Variants in MS4A18 observed in about 807,000 individuals in gnomAD.
MS4A18 encodes the protein membrane spanning 4-domains A18, also known as membrane-spanning 4-domains subfamily A member 18.
In MS4A18, 27 loss-of-function variants were observed where a neutral mutation model predicts 13.1. The ratio of observed to expected loss-of-function variants is 2.06; its 90% confidence interval spans 1.52 to 2.84. The LOEUF is 2.84. Among genes scored for constraint, MS4A18 ranks in the 30% most tolerant of loss-of-function variants. The pLI, the probability that MS4A18 is intolerant of heterozygous loss-of-function variation, is 0.00. For missense variants in MS4A18, 307 were observed against 196.4 expected (o/e 1.56, Z -3.37); for synonymous variants, 126 against 76.5 (o/e 1.65, Z -3.38).
At chr11:60,735,013 C>G (rs1853313917) in intron 2 of MS4A18, among the ~76,000 whole-genome samples, 1 of 151,912 alleles carries the variant, frequency 6.6e-6, no homozygotes, top group Non-Finnish European at 1.5e-5. Flanking sequence ...GAACTCCTGA[C>G]CTCAGGTGAT....
At chr11:60,743,338 T>C (rs1053671972) in intron 5 of MS4A18, among the ~76,000 whole-genome samples, 2 of 152,218 alleles carry the variant, frequency 1.3e-5, no homozygotes, top group Non-Finnish European at 2.9e-5. Flanking sequence ...CCCACATGGG[T>C]GTCTGGCTCT....
chr11:60,737,403 AT>A (rs1323822158), intron 3 of MS4A18, among the ~76,000 whole-genome samples: 5 of 152,166 alleles, frequency 3.3e-5, no homozygotes, highest in Non-Finnish European at 7.3e-5. Flanking sequence ...GCAGTGCCTT[AT>A]GGGTGCTCTG....
intron 5 of MS4A18, among the ~76,000 whole-genome samples, chr11:60,742,491 C>G (rs1032211593): frequency 2.0e-5 from 3 of 152,206 alleles, no homozygotes; most frequent in African/African-American, 7.2e-5. Flanking sequence ...CACTCTTGCT[C>G]TAAATCTACC....
At chr11:60,738,147 C>T (rs1161097864) in intron 3 of MS4A18, among the ~76,000 whole-genome samples, 1 of 152,234 alleles carries the variant, frequency 6.6e-6, no homozygotes, top group Non-Finnish European at 1.5e-5. Flanking sequence ...AAATGTAGAA[C>T]ACGGTCCCTT....
At chr11:60,735,279 A>G (rs575873429) in intron 2 of MS4A18, among the ~76,000 whole-genome samples, 77 of 152,174 alleles carry the variant, frequency 5.1e-4, no homozygotes, top group South Asian at 2.7e-3. Flanking sequence ...TTAAATCCCT[A>G]TAAGTATCCC....
chr11:60,728,828 C>T (rs1485081044), upstream of MS4A18, among the ~76,000 whole-genome samples: 1 of 152,110 alleles, frequency 6.6e-6, no homozygotes, highest in African/African-American at 2.4e-5. Flanking sequence ...ACACAACATA[C>T]ATGTGACCCC....
rs1051015658 is a variant in MS4A18, at chr11:60,743,568, A to G, written c.859-82A>G. Reference sequence around the variant, plus strand: ...GAGAGGGTCTACCTAAGGGTATGGAAACAGAAGGAAGAAAAAAATTATGGC... The same window carrying G: ...GAGAGGGTCTACCTAAGGGTATGGAGACAGAAGGAAGAAAAAAATTATGGC... On this transcript the variant is annotated intron_variant, in intron 5 of 5. Transcript: ENST00000529108. 95 of 659,204 alleles carry G rather than the reference A, an allele frequency of 1.4e-4. No individual in the cohort carries two copies. In the African/African-American group the frequency reaches 1.6e-3, roughly 11 times the overall value. 40.8% of individuals were successfully genotyped at this position (659,204 alleles called of 1,614,324 possible).
At chr11:60,738,871 C>G (rs1271196632) in intron 3 of MS4A18, 31 bp from the exon 5 acceptor site, 2 of 702,260 alleles carry the variant, frequency 2.8e-6, no homozygotes, top group Non-Finnish European at 5.2e-6. Context: ...TCAGACTCGG[C>G]TCCCTCTCTC....
intron 1 of MS4A18, among the ~76,000 whole-genome samples, chr11:60,731,197 C>G (rs905495436): frequency 6.6e-6 from 1 of 152,092 alleles, no homozygotes; most frequent in Admixed American, 6.6e-5. Context: ...TATGATATTG[C>G]GTAGTAATTA....
At chr11:60,725,334 CA>C (rs1227757212), upstream of MS4A18, among the ~76,000 whole-genome samples, 1 of 152,192 alleles carries the variant, frequency 6.6e-6, no homozygotes, top group Non-Finnish European at 1.5e-5. Context: ...GCTGGGACTA[CA>C]GGCGCCCGCC....
At chr11:60,732,501 G>A (rs113549694) in intron 1 of MS4A18, among the ~76,000 whole-genome samples, 331 of 151,950 alleles carry the variant, frequency 2.2e-3, no homozygotes, top group African/African-American at 7.5e-3. Context: ...AGGCCGAGGC[G>A]GGCGGTTCAC....
intron 3 of MS4A18, 38 bp downstream of exon 4, chr11:60,737,072 T>C (rs1368826332): frequency 1.4e-6 from 1 of 701,098 alleles, no homozygotes; most frequent in Non-Finnish European, 2.6e-6. Context: ...CCTTGAATGT[T>C]AGAATTTGAC....
chr11:60,738,612 A>G (rs997240649), intron 3 of MS4A18, among the ~76,000 whole-genome samples: 10 of 152,160 alleles, frequency 6.6e-5, no homozygotes, highest in African/African-American at 2.4e-4. Flanking sequence ...AACAGGTACT[A>G]GGCTTAATAC....
intron 1 of MS4A18, among the ~76,000 whole-genome samples, chr11:60,731,328 T>C (rs1249858116): frequency 1.3e-5 from 2 of 152,184 alleles, no homozygotes; most frequent in African/African-American, 2.4e-5. Context: ...CAAAACAGAA[T>C]TAAGTCAGAG....
At chr11:60,730,200 G>A (rs1283100236) in intron 1 of MS4A18, among the ~76,000 whole-genome samples, 1 of 152,196 alleles carries the variant, frequency 6.6e-6, no homozygotes, top group Non-Finnish European at 1.5e-5. Flanking sequence ...TTTAGAATAA[G>A]AAGATTCAGC....
upstream of MS4A18, among the ~76,000 whole-genome samples, chr11:60,728,864 C>G (rs1268507422): frequency 6.6e-6 from 1 of 152,162 alleles, no homozygotes. Flanking sequence ...CCTCCCATCC[C>G]ACAGTAGTCC....
At chr11:60,740,826 T>G (rs1853403579) in intron 4 of MS4A18, among the ~76,000 whole-genome samples, 1 of 152,088 alleles carries the variant, frequency 6.6e-6, no homozygotes, top group African/African-American at 2.4e-5. Flanking sequence ...GGAATGCAGG[T>G]GCTGGCAGTT....
exon 6 of MS4A18, chr11:60,744,083 T>C: frequency 1.6e-6 from 1 of 644,556 alleles, no homozygotes; most frequent in Non-Finnish European, 2.8e-6. Flanking sequence ...TCCCTGAAAC[T>C]TCCATGACCA....
chr11:60,726,432 G>A (rs113397703), upstream of MS4A18, among the ~76,000 whole-genome samples: 155 of 152,318 alleles, frequency 1.0e-3, 1 homozygote, highest in African/African-American at 3.6e-3. Flanking sequence ...GAGAAGTGTA[G>A]GGCATTTCTG....
Sources: gnomAD v4.1 joint callset for allele counts (sites outside exome capture counted in the v4.1 genomes callset) on GRCh38, gnomAD v4.1.1 for gene constraint, MANE v1.5 for transcripts, NCBI Gene and HGNC (gene_info 2026-07-23, HGNC 2026-07-21) for gene names.